The following NAALADL2 variants were observed in gnomAD, a reference collection of about 807,000 sequenced individuals.
NAALADL2 encodes the protein N-acetylated alpha-linked acidic dipeptidase like 2, also known as inactive N-acetylated-alpha-linked acidic dipeptidase-like protein 2.
NAALADL2 carries 76 observed loss-of-function variants against 87.2 expected under a neutral mutation model. That is an observed-to-expected ratio of 0.87 (90% confidence interval 0.72 to 1.05). The LOEUF is 1.05. Among genes scored for constraint, NAALADL2 ranks in the 50% least tolerant of loss-of-function variants. The pLI is 0.00. For synonymous variants in NAALADL2, 354 were observed against 331.0 expected (o/e 1.07, Z -0.75); for missense variants, 1,089 against 945.8 (o/e 1.15, Z -1.99).
chr3:174,808,393 G>A (rs1719748276), intron 3 of NAALADL2, among the ~76,000 whole-genome samples: 1 of 152,060 alleles, frequency 6.6e-6, no homozygotes, highest in South Asian at 2.1e-4. Flanking sequence ...AACAGGAAAA[G>A]AAGGCAAAAC....
chr3:174,547,222 C>T (rs1711512223), intron 1 of NAALADL2, among the ~76,000 whole-genome samples: 1 of 151,968 alleles, frequency 6.6e-6, no homozygotes. Context: ...AAATGAGTAC[C>T]AACTATGTGG....
chr3:174,606,261 G>A (rs531702937), intron 2 of NAALADL2, among the ~76,000 whole-genome samples: 12 of 152,338 alleles, frequency 7.9e-5, no homozygotes, highest in Admixed American at 4.6e-4. Context: ...AAAGCAGAGC[G>A]CCTCTCCTCC....
At chr3:174,701,321 A>G (rs1729536196) in intron 2 of NAALADL2, among the ~76,000 whole-genome samples, 1 of 151,908 alleles carries the variant, frequency 6.6e-6, no homozygotes, top group African/African-American at 2.4e-5. Flanking sequence ...AGCAGATGCC[A>G]GAGAAGGGAA....
chr3:175,756,275 A>T (rs530862731), intron 13 of NAALADL2, among the ~76,000 whole-genome samples: 65 of 152,260 alleles, frequency 4.3e-4, no homozygotes, highest in African/African-American at 1.4e-3. Flanking sequence ...GATTCCTCAA[A>T]CAACTAAAAA....
chr3:175,789,351 A>G (rs1050346892), intron 13 of NAALADL2, among the ~76,000 whole-genome samples: 5 of 152,150 alleles, frequency 3.3e-5, no homozygotes, highest in Non-Finnish European at 5.9e-5. Flanking sequence ...ACTCTTTTGT[A>G]TATGTCTTCT....
intron 1 of NAALADL2, among the ~76,000 whole-genome samples, chr3:174,441,360 T>G (rs540484152): frequency 6.6e-6 from 1 of 151,814 alleles, no homozygotes; most frequent in South Asian, 2.1e-4. Flanking sequence ...CCGAAGCCGC[T>G]TGTCTTAGGA....
At chr3:175,309,149 C>G (rs549337931) in intron 4 of NAALADL2, among the ~76,000 whole-genome samples, 7 of 152,042 alleles carry the variant, frequency 4.6e-5, no homozygotes, top group African/African-American at 1.7e-4. Flanking sequence ...AAATTTATTT[C>G]CCTGATTGGT....
chr3:175,592,845 T>G (rs1721714528), intron 10 of NAALADL2, among the ~76,000 whole-genome samples: 1 of 151,686 alleles, frequency 6.6e-6, no homozygotes, highest in South Asian at 2.1e-4. Flanking sequence ...CATATGTAAC[T>G]AACCTGCACA....
At position 175,429,605 on chromosome 3, in the gene NAALADL2, ATCCATTTT is replaced by A. The variant is rs1717413998; in HGVS notation, c.1091-17618_1091-17611del. On this transcript the variant is annotated intron_variant, in intron 5 of 13. Coordinates refer to ENST00000454872, the MANE Select transcript of NAALADL2 (RefSeq NM_207015.3). ...AAATTTGCATATTTTCTGACCCCAA[ATCCATTTT>A]TCCATAGCAGCCTTATGGAAACCTT... Among the ~76,000 whole-genome samples, 4 of 151,978 alleles carry A rather than the reference ATCCATTTT, an allele frequency of 2.6e-5. No individual in the cohort carries two copies. In the South Asian group the frequency reaches 8.3e-4, roughly 31 times the overall value.
chr3:175,200,919 G>A (rs1488422555), intron 2 of NAALADL2, among the ~76,000 whole-genome samples: 2 of 151,850 alleles, frequency 1.3e-5, no homozygotes, highest in Non-Finnish European at 2.9e-5. Flanking sequence ...CCATATCCCT[G>A]CACTCCAATC....
intron 12 of NAALADL2, among the ~76,000 whole-genome samples, chr3:175,743,035 G>C (rs961733498): frequency 1.4e-4 from 21 of 149,948 alleles, no homozygotes; most frequent in African/African-American, 5.2e-4. Context: ...CATTGTTGTT[G>C]CCCAGGCTGG....
chr3:175,007,707 A>G (rs1184317766), intron 1 of NAALADL2, among the ~76,000 whole-genome samples: 2 of 152,278 alleles, frequency 1.3e-5, no homozygotes, highest in East Asian at 1.9e-4. Context: ...TGGAACCCAA[A>G]TATATACTGT....
chr3:175,218,966 C>T (rs1232804075), intron 2 of NAALADL2, among the ~76,000 whole-genome samples: 1 of 151,816 alleles, frequency 6.6e-6, no homozygotes, highest in Non-Finnish European at 1.5e-5. Flanking sequence ...CCACCGTGCC[C>T]AGCCATTCAT....
Position 175,809,459 on chromosome 3 carries a change from TAATA to T in NAALADL2, c.*6257_*6260del, listed in dbSNP as rs1560044207. 1 of 144,446 alleles carries T rather than the reference TAATA, an allele frequency of 6.9e-6. No individual in the cohort carries two copies. The highest frequency in any genetic ancestry group is 1.5e-5 in the Non-Finnish European group (1 of 66,556). 8.9% of individuals were successfully genotyped at this position (144,446 alleles called of 1,614,324 possible). The stretch of plus-strand genomic sequence containing the variant: ...ACACTGTGCAGGACTAATTTTTTTT[TAATA>T]GACATCCAGAAAATAGCCTGGGCAA... On this transcript the variant is annotated 3_prime_UTR_variant, in exon 14 of 14. Coordinates refer to ENST00000454872, the MANE Select transcript of NAALADL2 (RefSeq NM_207015.3).
chr3:174,831,185 C>A (rs938270186), intron 3 of NAALADL2, among the ~76,000 whole-genome samples: 4 of 151,850 alleles, frequency 2.6e-5, no homozygotes, highest in Non-Finnish European at 2.9e-5. Context: ...TGTCTTGTGC[C>A]AGTTTTCAAA....
chr3:175,373,508 T>A (rs1050797595), intron 5 of NAALADL2, among the ~76,000 whole-genome samples: 8 of 152,212 alleles, frequency 5.3e-5, no homozygotes, highest in Non-Finnish European at 1.2e-4. Context: ...TTGTTCGTGA[T>A]TATTGCTGAG....
intron 1 of NAALADL2, among the ~76,000 whole-genome samples, chr3:174,978,190 C>T (rs1304314606): frequency 6.6e-6 from 1 of 152,178 alleles, no homozygotes; most frequent in East Asian, 1.9e-4. Context: ...ACTATGCCAA[C>T]CTAGGCCTTA....
At chr3:175,271,757 T>A (rs1376577956) in intron 4 of NAALADL2, among the ~76,000 whole-genome samples, 1 of 152,228 alleles carries the variant, frequency 6.6e-6, no homozygotes, top group African/African-American at 2.4e-5. Context: ...GTCGTGCCAC[T>A]GCACTCCTGC....
At chr3:175,502,235 G>A (rs113310273) in intron 9 of NAALADL2, among the ~76,000 whole-genome samples, 53 of 148,586 alleles carry the variant, frequency 3.6e-4, no homozygotes, top group African/African-American at 1.4e-3. Context: ...CTGGGTGTGT[G>A]TGTGTGTGTG....
Sources: gnomAD v4.1 joint callset for allele counts (sites outside exome capture counted in the v4.1 genomes callset) on GRCh38, gnomAD v4.1.1 for gene constraint, MANE v1.5 for transcripts, NCBI Gene and HGNC (gene_info 2026-07-23, HGNC 2026-07-21) for gene names.